The following KCNJ4 variants were observed in gnomAD, a reference collection of about 807,000 sequenced individuals.
The protein encoded by KCNJ4 is inward rectifier potassium channel 4.
In KCNJ4, 3 loss-of-function variants were observed where a neutral mutation model predicts 25.6. That is an observed-to-expected ratio of 0.12 (90% CI 0.05 to 0.30). The LOEUF (loss-of-function observed/expected upper bound fraction) is 0.30. KCNJ4 is among the 10% of genes least tolerant of loss of function. KCNJ4 has a pLI of 1.00. For synonymous variants in KCNJ4, 257 were observed against 283.9 expected (o/e 0.91, Z 0.95); for missense variants, 286 against 666.8 (o/e 0.43, Z 6.29).
chr22:38,429,861 A>G lies in KCNJ4; in HGVS notation c.-39-1690T>C, dbSNP rs915180167. Among the ~76,000 whole-genome samples the G allele has an allele frequency of 1.2e-4, 18 of 152,072 alleles. 1 individual carries two copies. The highest frequency in any genetic ancestry group is 3.3e-4 in the Admixed American group (5 of 15,274). ...GCTGGAAGTTTCTATTTTCTGTTCT[A>G]TTCTTCTTCCTGATCTAATTGTGCA... is the stretch of plus-strand genomic sequence containing the variant. On this transcript the variant is annotated intron_variant, in intron 1 of 1. Coordinates refer to ENST00000303592, the MANE Select transcript of KCNJ4 (RefSeq NM_152868.3).
chr22:38,448,944 C>A (rs2089394395), intron 1 of KCNJ4, among the ~76,000 whole-genome samples: 1 of 152,168 alleles, frequency 6.6e-6, no homozygotes, highest in Non-Finnish European at 1.5e-5. Context: ...AAGCTCCCAG[C>A]TGACAGGTCA....
intron 1 of KCNJ4, among the ~76,000 whole-genome samples, chr22:38,451,952 A>G (rs572187511): frequency 6.6e-6 from 1 of 152,342 alleles, no homozygotes; most frequent in South Asian, 2.1e-4. Flanking sequence ...CCTGCCCAGC[A>G]TGCTGGATCC....
intron 1 of KCNJ4, among the ~76,000 whole-genome samples, chr22:38,444,245 G>A (rs1174102020): frequency 6.6e-6 from 1 of 152,186 alleles, no homozygotes; most frequent in Non-Finnish European, 1.5e-5. Flanking sequence ...TAGAGTAGCT[G>A]CTTCATAAAT....
intron 1 of KCNJ4, among the ~76,000 whole-genome samples, chr22:38,438,345 G>A (rs574075272): frequency 1.3e-5 from 2 of 151,212 alleles, no homozygotes; most frequent in South Asian, 4.2e-4. Flanking sequence ...GGTTGAGGTC[G>A]TGCCACTGCA....
chr22:38,426,747 C>T lies in KCNJ4; in HGVS notation c.*48G>A, dbSNP rs749836897. On this transcript the variant is annotated 3_prime_UTR_variant, in exon 2 of 2. Transcript: ENST00000303592. The stretch of plus-strand genomic sequence containing the variant: ...TGGGAGGGGGTGTCCTGGCATCCCA[C>T]CCCCGGCAGAGGCTCTTGTGGGCAG... The T allele has an allele frequency of 5.8e-6, 9 of 1,555,798 alleles. No homozygotes were observed. The highest frequency in any genetic ancestry group is 2.3e-5 in the East Asian group (1 of 44,300).
rs2089396006 is a variant in KCNJ4 at position 38,449,260 on chromosome 22, G to A, written c.-40+5720C>T. ...GAGGGTCCTGGAGGGGCTGGCACTG[G>A]GTGCACAGTAGGACAAAGCATCTGT... On this transcript the variant is annotated intron_variant, in intron 1 of 1. Coordinates refer to ENST00000303592, the MANE Select transcript of KCNJ4 (RefSeq NM_152868.3). The surrounding 1 kb of genome is among the most constrained non-coding windows in gnomAD (Gnocchi z 5.2). Among the ~76,000 whole-genome samples the A allele has an allele frequency of 6.6e-6, 1 of 152,184 alleles. No homozygotes were observed. The highest frequency in any genetic ancestry group is 1.5e-5 in the Non-Finnish European group (1 of 68,028).
intron 1 of KCNJ4, among the ~76,000 whole-genome samples, chr22:38,446,954 CAAA>C (rs11294836): frequency 1.3e-4 from 18 of 133,874 alleles, no homozygotes; most frequent in Admixed American, 2.2e-4. Flanking sequence ...GACTCCATCT[CAAA>C]AAAAAAAAAA....
In KCNJ4 at chr22:38,443,448, C is replaced by A. The variant is rs533919813; in HGVS notation, c.-40+11532G>T. Among the ~76,000 whole-genome samples the A allele has an allele frequency of 4.1e-4, 62 of 152,294 alleles. 1 individual carries two copies. In the South Asian group the frequency reaches 7.0e-3, roughly 17 times the overall value. On this transcript the variant is annotated intron_variant, in intron 1 of 1. Transcript: ENST00000303592. This position sits in a 1 kb window ranked among gnomAD's most constrained non-coding sequence, Gnocchi z 4.1. ...CGAACCCGGCACTGCCAAGCCCAAGCCATGCCCCCGTCCTCCCCTCTCCTG... is the reference window on the plus strand; with the variant it reads ...CGAACCCGGCACTGCCAAGCCCAAGACATGCCCCCGTCCTCCCCTCTCCTG...
chr22:38,429,001 T>C (rs2093041066), intron 1 of KCNJ4, among the ~76,000 whole-genome samples: 1 of 151,352 alleles, frequency 6.6e-6, no homozygotes, highest in African/African-American at 2.4e-5. Context: ...GGAGGATCTA[T>C]TGAGCCCAGG....
chr22:38,431,226 G>A (rs1046690613), intron 1 of KCNJ4, among the ~76,000 whole-genome samples: 1 of 152,194 alleles, frequency 6.6e-6, no homozygotes, highest in Non-Finnish European at 1.5e-5. Flanking sequence ...GAGTTCACCT[G>A]GTGCTGCAGA....
At chr22:38,451,230 G>A (rs1196770680) in intron 1 of KCNJ4, among the ~76,000 whole-genome samples, 1 of 152,146 alleles carries the variant, frequency 6.6e-6, no homozygotes, top group Non-Finnish European at 1.5e-5. Context: ...ATGTTATTCG[G>A]CCTCACCCGT....
chr22:38,454,361 G>A (rs375978616), intron 1 of KCNJ4, among the ~76,000 whole-genome samples: 1 of 152,052 alleles, frequency 6.6e-6, no homozygotes, highest in Non-Finnish European at 1.5e-5. Context: ...AGTTCTCCCT[G>A]CGGGAGGCTC....
chr22:38,432,147 T>TA (rs920905270), intron 1 of KCNJ4, among the ~76,000 whole-genome samples: 5 of 151,496 alleles, frequency 3.3e-5, no homozygotes, highest in Non-Finnish European at 7.4e-5. Flanking sequence ...TCCCAGCTAC[T>TA]AGGGAGGCTG....
chr22:38,453,657 G>A (rs1569126043), intron 1 of KCNJ4, among the ~76,000 whole-genome samples: 2 of 152,070 alleles, frequency 1.3e-5, no homozygotes, highest in Non-Finnish European at 2.9e-5. Context: ...AGGGAGTGAC[G>A]TCCCCATGCC....
chr22:38,452,772 A>T (rs1271758818), intron 1 of KCNJ4, among the ~76,000 whole-genome samples: 2 of 89,214 alleles, frequency 2.2e-5, no homozygotes, highest in Admixed American at 2.5e-4. Context: ...CAGGGCCCCC[A>T]TCTCTTCCCC....
In KCNJ4 at chr22:38,426,677, T is replaced by G; in HGVS notation, c.*118A>C. The G allele has an allele frequency of 1.5e-6, 2 of 1,304,794 alleles. No homozygotes were observed. Among genetic ancestry groups the G allele is most frequent in the Non-Finnish European group, 2.1e-6 (2 of 945,612 alleles). 80.8% of individuals were successfully genotyped at this position (1,304,794 alleles called of 1,614,324 possible). On this transcript the variant is annotated 3_prime_UTR_variant, in exon 2 of 2. Transcript: ENST00000303592. ...CCCCCAGTCTTTGAAACCCCCACCT[T>G]CCTCCAGAAGGTCCACGGAGCCAGG...
chr22:38,436,555 G>A (rs1310333002), intron 1 of KCNJ4, among the ~76,000 whole-genome samples: 5 of 152,160 alleles, frequency 3.3e-5, no homozygotes, highest in African/African-American at 9.7e-5. Flanking sequence ...TCCCAAAAGC[G>A]CATGCCACAT....
In KCNJ4 at chr22:38,449,077, C is replaced by T. The variant is rs111717380; in HGVS notation, c.-40+5903G>A. Among the ~76,000 whole-genome samples the T allele has an allele frequency of 1.9e-3, 287 of 152,344 alleles. 3 individuals are homozygous for T. The highest frequency in any genetic ancestry group is 6.3e-3 in the African/African-American group (263 of 41,582). ...CAATGTCTCTCTGGGGCACCTCACC[C>T]TCCCCTGCCTGCCAAGGCCAGACGT... On this transcript the variant is annotated intron_variant, in intron 1 of 1. Transcript: ENST00000303592. The surrounding 1 kb of genome is among the most constrained non-coding windows in gnomAD (Gnocchi z 5.2).
chr22:38,433,709 A>G (rs895565092), intron 1 of KCNJ4, among the ~76,000 whole-genome samples: 1 of 152,184 alleles, frequency 6.6e-6, no homozygotes, highest in African/African-American at 2.4e-5. Context: ...GGCCAAGAAC[A>G]GGGCATGGCA....
Sources: allele counts gnomAD v4.1 joint callset (sites outside exome capture counted in the v4.1 genomes callset), GRCh38; gene constraint gnomAD v4.1.1; non-coding constraint Gnocchi (gnomAD v3.1); transcripts MANE v1.5; gene names NCBI Gene and HGNC (gene_info 2026-07-23, HGNC 2026-07-21).